The following MDGA1 variants were observed in gnomAD, a reference collection of about 807,000 sequenced individuals.
MDGA1 encodes MAM domain-containing glycosylphosphatidylinositol anchor protein 1.
Under a neutral mutation model 101.5 loss-of-function variants are expected in MDGA1, and 54 were observed. That is an observed-to-expected ratio of 0.53 (90% CI 0.43 to 0.67). The LOEUF is 0.67. Ranked by LOEUF, MDGA1 falls within the 30% of genes least tolerant of loss-of-function variation. The probability of loss-of-function intolerance (pLI) is 0.00; values close to 1 mark genes in which losing one functional copy is unlikely to be tolerated. For synonymous variants in MDGA1, 533 were observed against 558.3 expected (o/e 0.95, Z 0.64); for missense variants, 1,083 against 1,323.8 (o/e 0.82, Z 2.82).
chr6:37,666,572 A>G (rs975960572), intron 1 of MDGA1, among the ~76,000 whole-genome samples: 3 of 152,170 alleles, frequency 2.0e-5, no homozygotes, highest in African/African-American at 4.8e-5. Context: ...GTGCAATAAT[A>G]AAGCAGCAGG....
chr6:37,645,548 A>AG (rs1761171269), intron 12 of MDGA1, among the ~76,000 whole-genome samples: 1 of 151,656 alleles, frequency 6.6e-6, no homozygotes, highest in South Asian at 2.1e-4. Context: ...AAGAAAAAAA[A>AG]AGAAATTAAT....
In MDGA1 at chr6:37,654,558, A is replaced by AG. The variant is rs1761439264; in HGVS notation, c.713-16dup. 6 of 1,613,658 alleles carry AG rather than the reference A, an allele frequency of 3.7e-6. No homozygotes were observed. Among genetic ancestry groups the AG allele is most frequent in the South Asian group, 1.1e-5 (1 of 91,042 alleles). On this transcript the variant is annotated splice_polypyrimidine_tract_variant and intron_variant, in intron 5 of 16. Coordinates refer to ENST00000434837, the MANE Select transcript of MDGA1 (RefSeq NM_153487.4). ...GGCTGGTGGTGCTAAGAGGACAAGGAGGGGGGTCTTAGGGGACTGTGAGGC... is the reference window on the plus strand; with the variant it reads ...GGCTGGTGGTGCTAAGAGGACAAGGAGGGGGGGTCTTAGGGGACTGTGAGGC...
chr6:37,658,530 G>T, intron 2 of MDGA1, 111 bp from the exon 3 acceptor site: 1 of 1,116,302 alleles, frequency 9.0e-7, no homozygotes, highest in Non-Finnish European at 1.3e-6. Context: ...TTTCACAAGC[G>T]CACGTGGGGC....
At chr6:37,640,298 T>A (rs1764034923) in intron 14 of MDGA1, among the ~76,000 whole-genome samples, 1 of 152,020 alleles carries the variant, frequency 6.6e-6, no homozygotes, top group African/African-American at 2.4e-5. Flanking sequence ...TAGCATACAG[T>A]TCTGCTTGGC....
intron 1 of MDGA1, among the ~76,000 whole-genome samples, chr6:37,686,678 T>C (rs9470665): frequency 0.44 from 66,677 of 151,902 alleles, 15,424 homozygotes; most frequent in African/African-American, 0.58. Flanking sequence ...CCACCCGCCT[T>C]GGCCTCCCAA....
intron 1 of MDGA1, among the ~76,000 whole-genome samples, chr6:37,675,979 C>T (rs923883063): frequency 2.0e-5 from 3 of 152,236 alleles, no homozygotes; most frequent in African/African-American, 7.2e-5. Flanking sequence ...ATCTAGTCTA[C>T]AGCCTCAGCT....
Position 37,645,273 on chromosome 6 carries a change from C to A in MDGA1, c.2249-624G>T, listed in dbSNP as rs139609640. Among the ~76,000 whole-genome samples, 1,267 of 152,318 alleles carry A rather than the reference C, an allele frequency of 8.3e-3. 19 individuals carry two copies. Among genetic ancestry groups the A allele is most frequent in the South Asian group, 0.053 (256 of 4,820 alleles). ...ATTGAGGCCGGCATGGTGGCTCACA[C>A]CTGTAATCCCAGCACTTTGGGAGGC... is the stretch of plus-strand genomic sequence containing the variant. On this transcript the variant is annotated intron_variant, in intron 12 of 16. Coordinates refer to ENST00000434837, the MANE Select transcript of MDGA1 (RefSeq NM_153487.4).
rs927394470 is a variant in MDGA1, at chr6:37,663,074, G to T, written c.207+893C>A. ...TGTTCCCAAAATGATCTAGAAAAAA[G>T]AATTTTGTATTTCATTGTCTTTTCT... On this transcript the variant is annotated intron_variant, in intron 2 of 16. Transcript: ENST00000434837. Among the ~76,000 whole-genome samples the T allele has an allele frequency of 3.3e-5, 5 of 152,284 alleles. No individual in the cohort carries two copies. In the East Asian group the frequency reaches 5.8e-4, roughly 18 times the overall value.
At chr6:37,644,394 C>A (rs890071303) in intron 13 of MDGA1, 103 bp downstream of exon 13, 3 of 1,256,644 alleles carry the variant, frequency 2.4e-6, no homozygotes, top group African/African-American at 1.6e-5. Context: ...CTGCGTCTCC[C>A]TCAGACTGGA....
At chr6:37,671,633 G>A in intron 1 of MDGA1, among the ~76,000 whole-genome samples, 1 of 152,192 alleles carries the variant, frequency 6.6e-6, no homozygotes, top group East Asian at 1.9e-4. Flanking sequence ...CAGTGAGGAA[G>A]CCACAAACTC....
In MDGA1 at chr6:37,646,062, G is replaced by A. The variant is rs772691778; in HGVS notation, c.2225-106C>T. ...AGGGTCCTCAGAGCCAGGACTGGGG[G>A]CCAGCGGATCTGGCCTGCAGTGACA... On this transcript the variant is annotated intron_variant, in intron 11 of 16. Transcript: ENST00000434837. The A allele has an allele frequency of 1.9e-6, 3 of 1,585,282 alleles. No homozygotes were observed. In the South Asian group the frequency reaches 3.4e-5, roughly 18 times the overall value.
chr6:37,689,317 A>C (rs1762260788), intron 1 of MDGA1, among the ~76,000 whole-genome samples: 1 of 152,106 alleles, frequency 6.6e-6, no homozygotes, highest in Admixed American at 6.5e-5. Flanking sequence ...CAGATGTGCA[A>C]ATCTACCTCT....
chr6:37,677,511 A>G (rs995755560), intron 1 of MDGA1, among the ~76,000 whole-genome samples: 1 of 152,178 alleles, frequency 6.6e-6, no homozygotes, highest in Non-Finnish European at 1.5e-5. Context: ...CGGCCATTAA[A>G]GTGACAGGTC....
Position 37,683,513 on chromosome 6 carries a change from C to T in MDGA1, c.67+13232G>A, listed in dbSNP as rs115040641. On this transcript the variant is annotated intron_variant, in intron 1 of 16. Transcript: ENST00000434837. ...GCCAGCTCCCAATTGCCAATGCCTG[C>T]GGGCACCTCTCTGCCTGAGGGCCAT... Among the ~76,000 whole-genome samples the T allele has an allele frequency of 7.3e-3, 1,092 of 149,904 alleles. 9 individuals are homozygous for T. Among genetic ancestry groups the T allele is most frequent in the African/African-American group, 0.025 (1,041 of 40,898 alleles).
intron 1 of MDGA1, among the ~76,000 whole-genome samples, chr6:37,681,224 T>C (rs943515148): frequency 1.3e-5 from 2 of 152,152 alleles, no homozygotes; most frequent in African/African-American, 4.8e-5. Context: ...TGGGGGATAT[T>C]TTCACTCGCG....
chr6:37,637,391 A>G lies in MDGA1; in HGVS notation c.2845T>C (p.Phe949Leu). The G allele has an allele frequency of 6.2e-7, 1 of 1,613,646 alleles. No individual in the cohort carries two copies. Among genetic ancestry groups the G allele is most frequent in the Non-Finnish European group, 8.5e-7 (1 of 1,179,690 alleles). Residue 949 changes from phenylalanine to leucine, a missense_variant, in exon 17 of 17, where the codon TTC becomes CTC. Physicochemically the swap from Phe to Leu is conservative, Grantham distance 22. Coordinates refer to ENST00000434837, the MANE Select transcript of MDGA1 (RefSeq NM_153487.4). Reference sequence around the variant, plus strand: ...CATCATCTCTGCAACGCCAAGAGGAAGATGGCCATGGGCCCCCACAGCTGT... The same window carrying G: ...CATCATCTCTGCAACGCCAAGAGGAGGATGGCCATGGGCCCCCACAGCTGT... Reference protein sequence around the residue: ...SPQLWGPMAIFLLALQR With the variant: ...SPQLWGPMAILLLALQR
intron 1 of MDGA1, among the ~76,000 whole-genome samples, chr6:37,675,589 T>C (rs1761962309): frequency 6.6e-6 from 1 of 152,112 alleles, no homozygotes; most frequent in Admixed American, 6.5e-5. Context: ...AAAGTAGTAA[T>C]AATCACTGGG....
chr6:37,643,506 A>G, intron 14 of MDGA1: 1 of 295,686 alleles, frequency 3.4e-6, no homozygotes, highest in Non-Finnish European at 6.3e-6. Flanking sequence ...TCCTGACCTC[A>G]GGTGATCCAC....
chr6:37,670,906 C>A (rs1351762841), intron 1 of MDGA1, among the ~76,000 whole-genome samples: 1 of 152,210 alleles, frequency 6.6e-6, no homozygotes, highest in Non-Finnish European at 1.5e-5. Flanking sequence ...GACTCAAACC[C>A]AGGCCTTCCA....
Sources: gnomAD v4.1 joint callset for allele counts (sites outside exome capture counted in the v4.1 genomes callset) on GRCh38, gnomAD v4.1.1 for gene constraint, MANE v1.5 for transcripts, NCBI Gene and HGNC (gene_info 2026-07-23, HGNC 2026-07-21) for gene names.